The following PPWD1 variants were observed in gnomAD, a reference collection of about 807,000 sequenced individuals.
PPWD1 encodes the protein peptidylprolyl isomerase domain and WD repeat containing 1.
PPWD1 carries 43 observed loss-of-function variants against 68.8 expected under a neutral mutation model. The ratio of observed to expected loss-of-function variants is 0.62; its 90% CI spans 0.49 to 0.81. The LOEUF (loss-of-function observed/expected upper bound fraction) is 0.81. PPWD1 is among the 30% of genes least tolerant of loss of function. The probability of loss-of-function intolerance (pLI) is 0.00; values close to 1 mark genes in which losing one functional copy is unlikely to be tolerated. For missense variants in PPWD1, 672 were observed against 804.8 expected, an observed-to-expected ratio of 0.83 and a Z score of 2.00; for synonymous variants, 232 against 258.7, an observed-to-expected ratio of 0.90 and a Z score of 0.99.
intron 4 of PPWD1, 164 bp downstream of exon 4, chr5:65,570,162 G>GT (rs777808459): frequency 4.1e-4 from 361 of 875,308 alleles, no homozygotes; most frequent in Middle Eastern, 2.9e-3. Context: ...GCCTTATAAT[G>GT]TTTGGAAGCA....
At chr5:65,565,967 C>A (rs1461797077) in intron 1 of PPWD1, among the ~76,000 whole-genome samples, 3 of 152,178 alleles carry the variant, frequency 2.0e-5, no homozygotes, top group Non-Finnish European at 4.4e-5. Context: ...CCCCCTTTAA[C>A]ATGTTCTTTG....
chr5:65,587,243 T>G lies in PPWD1; in HGVS notation c.1798-10T>G, dbSNP rs1181270504. On this transcript the variant is annotated splice_polypyrimidine_tract_variant and intron_variant, in intron 10 of 10. Coordinates refer to ENST00000261308, the MANE Select transcript of PPWD1 (RefSeq NM_015342.4). The stretch of plus-strand genomic sequence containing the variant: ...GTTTACCAAGATTTTCCATTTGTCC[T>G]CCAACACAGCCTTGGCTTGATAATA... The G allele has an allele frequency of 1.3e-6, 2 of 1,594,138 alleles. No homozygotes were observed. Among genetic ancestry groups the G allele is most frequent in the South Asian group, 1.2e-5 (1 of 86,764 alleles).
At chr5:65,574,448 CTTTTTTTTTTTTT>C (rs573705705) in intron 5 of PPWD1, among the ~76,000 whole-genome samples, 71 of 92,000 alleles carry the variant, frequency 7.7e-4, no homozygotes, top group Admixed American at 1.6e-3. Flanking sequence ...ACACAAATCT[CTTTTTTTTTTTTT>C]TTTTTTTTTT....
rs1258995764 is a variant in PPWD1 at position 65,583,072 on chromosome 5, CA to C, written c.1386del (p.Asp463IlefsTer74). ...CGAGAACCAGAAGATACGAAAAGTGCAGATTCTGATCGAGATGTTTTTAATG... is the reference window on the plus strand; with the variant it reads ...CGAGAACCAGAAGATACGAAAAGTGCGATTCTGATCGAGATGTTTTTAATG... ...TKREPEDTKSADSDRDVFNEK... is the reference protein window; with the variant it reads ...TKREPEDTKSXDSDRDVFNEK... On this transcript the variant is annotated frameshift_variant, in exon 8 of 11. Coordinates refer to ENST00000261308, the MANE Select transcript of PPWD1 (RefSeq NM_015342.4). LOFTEE classifies it high-confidence loss of function. The C allele has an allele frequency of 6.2e-7, 1 of 1,607,486 alleles. No individual in the cohort carries two copies. The highest frequency in any genetic ancestry group is 8.5e-7 in the Non-Finnish European group (1 of 1,177,520).
chr5:65,564,002 G>A (rs1752504555), intron 1 of PPWD1: 1 of 680,180 alleles, frequency 1.5e-6, no homozygotes, highest in African/African-American at 1.8e-5. Context: ...CGCATCTAGG[G>A]AAAATGACGT....
chr5:65,563,305 A>C lies in PPWD1; in HGVS notation c.-6A>C. 1.2e-6 allele frequency: 2 copies of C among 1,610,888 alleles called. No homozygotes were observed. Among genetic ancestry groups the C allele is most frequent in the South Asian group, 2.2e-5 (2 of 90,820 alleles). ...GTGTCGCGCCTTTTCTGACGATGCG[A>C]ACAACATGGCGGCGGAAAGTGGTAG... On this transcript the variant is annotated 5_prime_UTR_variant, in exon 1 of 11. Transcript: ENST00000261308.
chr5:65,577,179 C>T, intron 6 of PPWD1, 110 bp downstream of exon 6: 1 of 1,437,920 alleles, frequency 7.0e-7, no homozygotes, highest in Non-Finnish European at 9.1e-7. Context: ...TGGAATGGCC[C>T]CAAATGTCTA....
At chr5:65,567,459 G>T in intron 1 of PPWD1, 54 bp from the exon 2 acceptor site, 4 of 1,506,820 alleles carry the variant, frequency 2.7e-6, no homozygotes, top group South Asian at 1.3e-5. Flanking sequence ...ATACAAAATA[G>T]TATTTGGTTT....
chr5:65,574,446 C>CT (rs1753183576), intron 5 of PPWD1, among the ~76,000 whole-genome samples: 5 of 133,506 alleles, frequency 3.7e-5, no homozygotes, highest in Non-Finnish European at 6.3e-5. Context: ...GGACACAAAT[C>CT]TCTTTTTTTT....
chr5:65,563,713 C>T, intron 1 of PPWD1: 1 of 1,398,598 alleles, frequency 7.2e-7, no homozygotes, highest in Non-Finnish European at 9.8e-7. Flanking sequence ...TAATATCTAA[C>T]ACTTTTGATC....
intron 2 of PPWD1, among the ~76,000 whole-genome samples, chr5:65,568,470 CTT>C (rs1581149011): frequency 1.3e-5 from 2 of 152,044 alleles, no homozygotes; most frequent in African/African-American, 2.4e-5. Context: ...TCCTAGAAGA[CTT>C]TTTATTTCTT....
In PPWD1 at chr5:65,571,848, T is replaced by C. The variant is rs1561724185; in HGVS notation, c.531T>C (p.Pro177=). The change falls in exon 5 of 11, where the codon CCT becomes CCC. Residue 177 remains proline (P), a synonymous_variant. Transcript: ENST00000261308. Reference sequence around the variant, plus strand: ...TTCTTTACGATTTTAGCTATTTTCCTGGACAGTGTGAGTGGATCTATTGCC... The same window carrying C: ...TTCTTTACGATTTTAGCTATTTTCCCGGACAGTGTGAGTGGATCTATTGCC... ...MINMLKLGYF[P]GQCEWIYCPG... 6.2e-7 allele frequency: 1 copy of C among 1,613,528 alleles called. No individual in the cohort carries two copies. The highest frequency in any genetic ancestry group is 2.2e-5 in the East Asian group (1 of 44,860).
In PPWD1 at chr5:65,585,085, G is replaced by A. The variant is rs766053318; in HGVS notation, c.1604G>A (p.Arg535His). The A allele has an allele frequency of 4.3e-6, 7 of 1,609,738 alleles. No homozygotes were observed. The highest frequency in any genetic ancestry group is 1.7e-5 in the Admixed American group (1 of 59,808). ...NGYYNGHTFH[R>H]IIKGFMIQTG... ...TATTATAATGGGCATACATTTCACC[G>A]TATAATTAAGGTAAGTTACATAAAT... is the stretch of plus-strand genomic sequence containing the variant. Residue 535 changes from arginine (R) to histidine (H), a missense_variant, in exon 9 of 11, where the codon CGT becomes CAT. Around this residue, in one of 2 missense-constraint regions of PPWD1, gnomAD observed 484 missense variants for 646.2 expected, o/e 0.75. Transcript: ENST00000261308.
At chr5:65,563,765 T>A (rs261252) in intron 1 of PPWD1, 429,208 of 1,469,074 alleles carry the variant, frequency 0.29, 64,851 homozygotes, top group African/African-American at 0.4. Context: ...CATTTTCCTA[T>A]TCTTATGTGT....
rs1215392386 is a variant in PPWD1 at position 65,583,265 on chromosome 5, A to G, written c.1532+46A>G. ...TATTGGCTTATGTAATTAAGAATGTAAATGTGTATATCTGAAGAAACCATG... is the reference window on the plus strand; with the variant it reads ...TATTGGCTTATGTAATTAAGAATGTGAATGTGTATATCTGAAGAAACCATG... On this transcript the variant is annotated intron_variant, in intron 8 of 10. Transcript: ENST00000261308. 2.1e-6 allele frequency: 3 copies of G among 1,411,900 alleles called. No homozygotes were observed. The East Asian group carries it at 7.4e-5, about 35-fold the overall frequency. 87.5% of individuals were successfully genotyped at this position (1,411,900 alleles called of 1,614,324 possible). A position where few individuals can be genotyped will look rare whatever the true frequency, so the allele number is the denominator to read the frequency against.
In PPWD1 at chr5:65,572,003, TACGGCTAA is replaced by T; in HGVS notation, c.689_696del (p.Arg230ProfsTer10). The T allele has an allele frequency of 6.2e-7, 1 of 1,614,094 alleles. No homozygotes were observed. The highest frequency in any genetic ancestry group is 8.5e-7 in the Non-Finnish European group (1 of 1,179,944). ...CTCCATACATCACCTCTTACTCAGA[TACGGCTAA>T]ACCCAGTTTACAAAGCAGTAGTGTC... On this transcript the variant is annotated frameshift_variant, in exon 5 of 11. Transcript: ENST00000261308. LOFTEE classifies it high-confidence loss of function.
chr5:65,573,563 C>T (rs1375041946), intron 5 of PPWD1, among the ~76,000 whole-genome samples: 2 of 58,188 alleles, frequency 3.4e-5, no homozygotes, highest in Non-Finnish European at 3.2e-5. Context: ...TAAGTACAGA[C>T]GGGTTTCACC....
chr5:65,583,361 G>A, intron 8 of PPWD1, 142 bp downstream of exon 8: 1 of 964,236 alleles, frequency 1.0e-6, no homozygotes, highest in South Asian at 2.5e-5. Flanking sequence ...ATCTATTCCT[G>A]AGCTTTCTGA....
chr5:65,584,948 A>G (rs1753761919), intron 8 of PPWD1, 66 bp from the exon 9 acceptor site: 1 of 1,561,952 alleles, frequency 6.4e-7, no homozygotes, highest in African/African-American at 1.4e-5. Context: ...AGGAAGCAGA[A>G]CTGCAAAGAA....
Sources: allele counts gnomAD v4.1 joint callset (sites outside exome capture counted in the v4.1 genomes callset), GRCh38; gene constraint gnomAD v4.1.1; regional missense constraint gnomAD v4.1.1; transcripts MANE v1.5; gene names NCBI Gene and HGNC (gene_info 2026-07-23, HGNC 2026-07-21).